The following NELL2 variants were observed in gnomAD, a reference collection of about 807,000 sequenced individuals.
NELL2 encodes protein kinase C-binding protein NELL2.
In NELL2, 41 loss-of-function variants were observed where a neutral mutation model predicts 109.6. The observed-to-expected ratio is 0.37, with a 90% CI of 0.29 to 0.49. The LOEUF (loss-of-function observed/expected upper bound fraction) is 0.49, where lower values mean the gene tolerates loss of function less well. Ranked by LOEUF, NELL2 falls within the 20% of genes least tolerant of loss-of-function variation. The pLI is 0.98. For missense variants in NELL2, 900 were observed against 1,008.3 expected, an observed-to-expected ratio of 0.89 and a Z score of 1.45; for synonymous variants, 355 against 344.7, an observed-to-expected ratio of 1.03 and a Z score of -0.33.
intron 2 of NELL2, among the ~76,000 whole-genome samples, chr12:44,870,956 A>G (rs1175472423): frequency 5.9e-5 from 9 of 152,246 alleles, no homozygotes; most frequent in Admixed American, 2.0e-4. Flanking sequence ...TAAATTTTCA[A>G]TTCTGCTCTA....
At chr12:44,509,567 G>T (rs747369275) in intron 19 of NELL2, among the ~76,000 whole-genome samples, 1 of 152,100 alleles carries the variant, frequency 6.6e-6, no homozygotes, top group South Asian at 2.1e-4. Context: ...GAACACATGC[G>T]TCCTCTCTCT....
At chr12:44,753,814 AAT>A (rs1940761143) in intron 9 of NELL2, among the ~76,000 whole-genome samples, 1 of 152,218 alleles carries the variant, frequency 6.6e-6, no homozygotes, top group African/African-American at 2.4e-5. Flanking sequence ...TAGAGCTTTA[AAT>A]ATCATGGTGA....
chr12:44,594,330 C>CTGAT (rs1156988345), intron 15 of NELL2, among the ~76,000 whole-genome samples: 1 of 151,620 alleles, frequency 6.6e-6, no homozygotes, highest in Admixed American at 6.6e-5. Flanking sequence ...ACAAGAAATA[C>CTGAT]TGATTACAAA....
At chr12:44,510,831 GCC>G (rs1940966875) in intron 19 of NELL2, among the ~76,000 whole-genome samples, 1 of 152,102 alleles carries the variant, frequency 6.6e-6, no homozygotes, top group African/African-American at 2.4e-5. Flanking sequence ...AACCATCTTT[GCC>G]TCTCCTGTCT....
chr12:44,680,235 T>C (rs1345112995), intron 12 of NELL2, among the ~76,000 whole-genome samples: 1 of 152,150 alleles, frequency 6.6e-6, no homozygotes, highest in Non-Finnish European at 1.5e-5. Flanking sequence ...CAATTTCCAA[T>C]TGCTTGCTTG....
intron 13 of NELL2, among the ~76,000 whole-genome samples, chr12:44,617,706 A>AAAAAAAAAAAAAAC (rs1945887407): frequency 6.7e-6 from 1 of 148,872 alleles, no homozygotes; most frequent in Admixed American, 6.7e-5. Context: ...AAAAAAAAAA[A>AAAAAAAAAAAAAAC]AAAAAAAGAA....
At chr12:44,755,691 A>G (rs144936178) in intron 9 of NELL2, among the ~76,000 whole-genome samples, 130 of 152,106 alleles carry the variant, frequency 8.5e-4, no homozygotes, top group Non-Finnish European at 1.6e-3. Flanking sequence ...TTATTCTTCA[A>G]CCTTGTTAGT....
chr12:44,758,342 G>A (rs910812068), intron 9 of NELL2, among the ~76,000 whole-genome samples: 1 of 152,198 alleles, frequency 6.6e-6, no homozygotes, highest in African/African-American at 2.4e-5. Flanking sequence ...TTTTCTAAAT[G>A]CTATTCGCTG....
Position 44,755,136 on chromosome 12 carries a change from T to C in NELL2, c.994+19611A>G, listed in dbSNP as rs568316247. Among the ~76,000 whole-genome samples the C allele has an allele frequency of 1.8e-3, 278 of 152,320 alleles. 2 individuals are homozygous for C. Among genetic ancestry groups the C allele is most frequent in the African/African-American group, 5.7e-3 (237 of 41,580 alleles). On this transcript the variant is annotated intron_variant, in intron 9 of 19. Coordinates refer to ENST00000429094, the MANE Select transcript of NELL2 (RefSeq NM_001145108.2). ...TACCCTTTGCATAGCTTCAACCTTA[T>C]GGCCTTTTGGCTCTCCCTGAATCCT... is the stretch of plus-strand genomic sequence containing the variant.
upstream of NELL2, among the ~76,000 whole-genome samples, chr12:44,914,437 A>T (rs183160456): frequency 6.6e-6 from 1 of 152,288 alleles, no homozygotes; most frequent in East Asian, 1.9e-4. Flanking sequence ...TACTTTGCCC[A>T]AATGTCACCT....
intron 12 of NELL2, among the ~76,000 whole-genome samples, chr12:44,689,057 C>T (rs74522902): frequency 0.061 from 9,281 of 152,194 alleles, 947 homozygotes; most frequent in African/African-American, 0.21. Context: ...ATTTTCCTGG[C>T]TGCTAATAAA....
At chr12:44,520,253 G>T in intron 18 of NELL2, 24 bp from the exon 19 acceptor site, 1 of 1,584,628 alleles carries the variant, frequency 6.3e-7, no homozygotes, top group East Asian at 2.3e-5. Context: ...AGATGTGCAA[G>T]GGCAGAGGGA....
chr12:44,875,654 C>CAGA (rs1760227881), intron 1 of NELL2, 161 bp downstream of exon 1: 2 of 1,568,396 alleles, frequency 1.3e-6, no homozygotes, highest in African/African-American at 3.0e-5. Context: ...AAGGCAAGCA[C>CAGA]AGAAAAAAAA....
intron 2 of NELL2, among the ~76,000 whole-genome samples, chr12:44,854,776 A>G (rs1944635000): frequency 6.6e-6 from 1 of 151,570 alleles, no homozygotes; most frequent in African/African-American, 2.4e-5. Context: ...GGATAGATGG[A>G]CAGATAGAAG....
chr12:44,796,274 TTTAAC>T (rs1213194614), intron 3 of NELL2, among the ~76,000 whole-genome samples: 1 of 152,096 alleles, frequency 6.6e-6, no homozygotes, highest in African/African-American at 2.4e-5. Flanking sequence ...CAGGATGGGT[TTTAAC>T]TTAACTAAGT....
chr12:44,786,166 T>C (rs531736586), intron 3 of NELL2, among the ~76,000 whole-genome samples: 2 of 152,190 alleles, frequency 1.3e-5, no homozygotes, highest in African/African-American at 4.8e-5. Flanking sequence ...TGGAAGGACA[T>C]TAAATAAATT....
intron 15 of NELL2, among the ~76,000 whole-genome samples, chr12:44,595,055 C>T (rs955622924): frequency 6.6e-5 from 10 of 151,874 alleles, no homozygotes; most frequent in Admixed American, 2.6e-4. Context: ...TGTAAATGGC[C>T]GAAACCAAAA....
intron 2 of NELL2, among the ~76,000 whole-genome samples, chr12:44,833,729 C>T (rs978838210): frequency 1.5e-4 from 23 of 152,284 alleles, no homozygotes; most frequent in Admixed American, 3.9e-4. Context: ...CTTGGACTCG[C>T]GGTACAGCTC....
intron 11 of NELL2, among the ~76,000 whole-genome samples, chr12:44,709,061 T>A (rs1055712684): frequency 3.3e-5 from 5 of 152,266 alleles, no homozygotes; most frequent in Admixed American, 6.5e-5. Flanking sequence ...CCAAATCTTA[T>A]CCTACCCAAC....
Sources: allele counts gnomAD v4.1 joint callset (sites outside exome capture counted in the v4.1 genomes callset), GRCh38; gene constraint gnomAD v4.1.1; transcripts MANE v1.5; gene names NCBI Gene and HGNC (gene_info 2026-07-23, HGNC 2026-07-21).